The following YIPF1 variants were observed in gnomAD, a reference collection of about 807,000 sequenced individuals.
The protein encoded by YIPF1 is protein YIPF1.
In YIPF1, 22 loss-of-function variants were observed where a neutral mutation model predicts 37.0. That is an observed-to-expected ratio of 0.59 (90% CI 0.42 to 0.85). The LOEUF (loss-of-function observed/expected upper bound fraction) is 0.85, where lower values mean the gene tolerates loss of function less well. Among genes scored for constraint, YIPF1 ranks in the 40% least tolerant of loss-of-function variants. The pLI, the probability that YIPF1 is intolerant of heterozygous loss-of-function variation, is 0.00. For synonymous variants in YIPF1, 128 were observed against 131.9 expected (o/e 0.97, Z 0.21); for missense variants, 355 against 373.1 (o/e 0.95, Z 0.40).
rs1428390111 is a variant in YIPF1, at chr1:53,852,277, A to G, written c.*9-7T>C. 1 of 152,194 alleles carries G rather than the reference A, an allele frequency of 6.6e-6. No individual in the cohort carries two copies. The highest frequency in any genetic ancestry group is 1.5e-5 in the Non-Finnish European group (1 of 68,116). The allele number at this position is 152,194 out of a possible 1,614,324, so 9.4% of individuals were successfully genotyped here. ...TCCAAAAAACAAAAGAGAACTGAAA[A>G]ACAAAACGGGAAACTTTCAAGATAA... is the stretch of plus-strand genomic sequence containing the variant. On this transcript the variant is annotated splice_region_variant and splice_polypyrimidine_tract_variant and intron_variant, in intron 10 of 10. Transcript: ENST00000072644.
In YIPF1 at chr1:53,873,517, A is replaced by AG. The variant is rs1390357662; in HGVS notation, c.365-2030_365-2029insC. Among the ~76,000 whole-genome samples the AG allele has an allele frequency of 2.0e-4, 30 of 152,304 alleles. No homozygotes were observed. In the East Asian group the frequency reaches 5.6e-3, roughly 28 times the overall value. ...GAGTTAGGAATTTATCTTGAGGGCA[A>AG]CAGGAAGCCTGTGAATTGGGCCTGG... On this transcript the variant is annotated intron_variant, in intron 6 of 10. Transcript: ENST00000072644.
At chr1:53,876,951 C>T (rs569009958) in intron 6 of YIPF1, among the ~76,000 whole-genome samples, 5 of 152,290 alleles carry the variant, frequency 3.3e-5, no homozygotes, top group African/African-American at 1.2e-4. Flanking sequence ...AATAAAATAG[C>T]ATAAAATACT....
Position 53,883,102 on chromosome 1 carries a change from C to A in YIPF1, c.195+11G>T. ...AATTGTTTAAAAAATATCTCAAAGA[C>A]AAGTTCAAACCTCAGTTTTGTCAGA... On this transcript the variant is annotated intron_variant, in intron 4 of 10. Coordinates refer to ENST00000072644, the MANE Select transcript of YIPF1 (RefSeq NM_018982.5). 1 of 1,557,242 alleles carries A rather than the reference C, an allele frequency of 6.4e-7. No homozygotes were observed. Among genetic ancestry groups the A allele is most frequent in the Non-Finnish European group, 8.6e-7 (1 of 1,157,780 alleles).
intron 4 of YIPF1, among the ~76,000 whole-genome samples, chr1:53,881,244 C>CA (rs747288925): frequency 0.37 from 35,797 of 95,812 alleles, 6,249 homozygotes; most frequent in East Asian, 0.61. Flanking sequence ...GACTCCATCT[C>CA]AAAAAAAAAA....
At chr1:53,867,079 G>T (rs1650050152) in intron 7 of YIPF1, among the ~76,000 whole-genome samples, 155 bp from the exon 8 acceptor site, 1 of 152,146 alleles carries the variant, frequency 6.6e-6, no homozygotes, top group South Asian at 2.1e-4. Context: ...CCTGAGCTTG[G>T]TACAGTACCT....
intron 3 of YIPF1, among the ~76,000 whole-genome samples, chr1:53,887,998 T>C (rs1338672763): frequency 6.6e-6 from 1 of 152,148 alleles, no homozygotes; most frequent in Admixed American, 6.5e-5. Flanking sequence ...AAGGCCAAGA[T>C]GGGTGGATCA....
chr1:53,878,737 A>G lies in YIPF1; in HGVS notation c.196-15T>C. ...CCAGCAAGTAACTGTCAGAAATAAA[A>G]TAAAACATAATGAACACATAAGCAA... On this transcript the variant is annotated splice_polypyrimidine_tract_variant and intron_variant, in intron 4 of 10. Transcript: ENST00000072644. 6.3e-7 allele frequency: 1 copy of G among 1,589,940 alleles called. No homozygotes were observed. Among genetic ancestry groups the G allele is most frequent in the East Asian group, 2.2e-5 (1 of 44,796 alleles).
intron 10 of YIPF1, among the ~76,000 whole-genome samples, chr1:53,855,286 C>G (rs1489598338): frequency 6.6e-6 from 1 of 151,812 alleles, no homozygotes; most frequent in Non-Finnish European, 1.5e-5. Context: ...TGTCACTGCC[C>G]CTGGAAAGCT....
intron 9 of YIPF1, among the ~76,000 whole-genome samples, chr1:53,862,614 T>C (rs1318640344): frequency 2.0e-5 from 3 of 152,190 alleles, no homozygotes; most frequent in East Asian, 3.8e-4. Flanking sequence ...TATGCTTCAC[T>C]GCACTAAGGC....
rs1557605849 is a variant in YIPF1, at chr1:53,870,160, C to CTCTTTTTTTTTTTTTT, written c.481+1211_481+1212insAAAAAAAAAAAAAAGA. ...AGGCTTGAGCCACCGCACCGGGTCTCTTTTTTTTTTTTTTTTTTTTTTTTT... is the reference window on the plus strand; with the variant it reads ...AGGCTTGAGCCACCGCACCGGGTCTCTCTTTTTTTTTTTTTTTTTTTTTTTTTTTTTTTTTTTTTTT... On this transcript the variant is annotated intron_variant, in intron 7 of 10. Transcript: ENST00000072644. Among the ~76,000 whole-genome samples, 6 of 91,214 alleles carry CTCTTTTTTTTTTTTTT rather than the reference C, an allele frequency of 6.6e-5. 1 individual carries two copies. Among genetic ancestry groups the CTCTTTTTTTTTTTTTT allele is most frequent in the African/African-American group, 2.7e-4 (6 of 22,614 alleles). The allele number at this position is 91,214 out of a possible 152,430, so 59.8% of individuals were successfully genotyped here. A position where few individuals can be genotyped will look rare whatever the true frequency, so the allele number is the denominator to read the frequency against.
At chr1:53,879,928 C>T (rs1193672460) in intron 4 of YIPF1, among the ~76,000 whole-genome samples, 8 of 152,034 alleles carry the variant, frequency 5.3e-5, no homozygotes, top group Non-Finnish European at 1.2e-4. Flanking sequence ...AGCACGGAGA[C>T]AAAGGAACAC....
At chr1:53,875,377 T>C (rs1447447509) in intron 6 of YIPF1, among the ~76,000 whole-genome samples, 1 of 152,078 alleles carries the variant, frequency 6.6e-6, no homozygotes, top group East Asian at 1.9e-4. Flanking sequence ...TATCCAGGCA[T>C]GGTGGCACAT....
intron 3 of YIPF1, among the ~76,000 whole-genome samples, chr1:53,887,967 C>T (rs544554515): frequency 2.0e-5 from 3 of 152,338 alleles, no homozygotes; most frequent in East Asian, 3.9e-4. Context: ...GTGGTTCATG[C>T]CTGTAATCCC....
At chr1:53,863,195 T>G (rs1649929118) in intron 9 of YIPF1, among the ~76,000 whole-genome samples, 1 of 152,154 alleles carries the variant, frequency 6.6e-6, no homozygotes, top group Non-Finnish European at 1.5e-5. Flanking sequence ...TCTCCTCATC[T>G]CCACTGCTTT....
intron 9 of YIPF1, among the ~76,000 whole-genome samples, chr1:53,862,526 C>A (rs970350759): frequency 1.3e-5 from 2 of 152,150 alleles, no homozygotes; most frequent in African/African-American, 4.8e-5. Flanking sequence ...GTCATCCCTG[C>A]CAGTGTGTTC....
Position 53,866,765 on chromosome 1 carries a change from G to T in YIPF1, c.641C>A (p.Pro214His). The T allele has an allele frequency of 6.2e-7, 1 of 1,613,064 alleles. No individual in the cohort carries two copies. Among genetic ancestry groups the T allele is most frequent in the Non-Finnish European group, 8.5e-7 (1 of 1,179,434 alleles). Residue 214 changes from proline to histidine, a missense_variant, in exon 8 of 11, where the codon CCC becomes CAC. By Grantham distance (77) the Pro-to-His change is moderately conservative. Transcript: ENST00000072644. ...VYGYSLFIYIPTAILWIIPQK... is the reference protein window; with the variant it reads ...VYGYSLFIYIHTAILWIIPQK... The stretch of plus-strand genomic sequence containing the variant: ...CCTAAGTATGGTACTTACTGCGGTG[G>T]GGATATAAATGAAGAGGGAATATCC...
At chr1:53,868,095 C>T (rs1650080640) in intron 7 of YIPF1, among the ~76,000 whole-genome samples, 1 of 152,194 alleles carries the variant, frequency 6.6e-6, no homozygotes, top group East Asian at 1.9e-4. Context: ...CATGAATGTC[C>T]AAAACATGTT....
chr1:53,882,049 T>C (rs775814373), intron 4 of YIPF1, among the ~76,000 whole-genome samples: 2 of 152,212 alleles, frequency 1.3e-5, no homozygotes, highest in Non-Finnish European at 2.9e-5. Flanking sequence ...AATGAGATCA[T>C]GTCCTTTGCA....
At chr1:53,874,223 G>T (rs1010024870) in intron 6 of YIPF1, among the ~76,000 whole-genome samples, 1 of 152,126 alleles carries the variant, frequency 6.6e-6, no homozygotes, top group Non-Finnish European at 1.5e-5. Context: ...ACCCCCAGTG[G>T]AAGGCTGGAC....
Sources: allele counts gnomAD v4.1 joint callset (sites outside exome capture counted in the v4.1 genomes callset), GRCh38; gene constraint gnomAD v4.1.1; transcripts MANE v1.5; gene names NCBI Gene and HGNC (gene_info 2026-07-23, HGNC 2026-07-21).